KCNC2: variants seen among roughly 807,000 people sequenced by gnomAD.
The protein encoded by KCNC2 is potassium voltage-gated channel subfamily C member 2.
Under a neutral mutation model 44.5 loss-of-function variants are expected in KCNC2, and 21 were observed. The observed-to-expected ratio is 0.47, with a 90% CI of 0.33 to 0.68. The LOEUF is 0.68. Ranked by LOEUF, KCNC2 falls within the 30% of genes least tolerant of loss-of-function variation. KCNC2 has a pLI of 0.01. For synonymous variants in KCNC2, 391 were observed against 339.1 expected (o/e 1.15, Z -1.68); for missense variants, 589 against 826.2 (o/e 0.71, Z 3.52).
At chr12:75,064,396 T>C (rs1442926217) in intron 2 of KCNC2, among the ~76,000 whole-genome samples, 1 of 152,048 alleles carries the variant, frequency 6.6e-6, no homozygotes, top group Admixed American at 6.6e-5. Flanking sequence ...AATGTGATTG[T>C]TTTAATACAG....
Position 75,042,064 on chromosome 12 carries a change from A to G in KCNC2, c.*1041T>C. 2.5e-6 allele frequency: 3 copies of G among 1,180,534 alleles called. No homozygotes were observed. The highest frequency in any genetic ancestry group is 3.1e-6 in the Non-Finnish European group (3 of 956,222). The allele number at this position is 1,180,534 out of a possible 1,614,324, so 73.1% of individuals were successfully genotyped here. On this transcript the variant is annotated 3_prime_UTR_variant, in exon 5 of 5. Transcript: ENST00000549446. ...TCAGGAATTTAAGGCTAGTCAAAAAAGCCTTCTGTGAACACCAGTGACATT... is the reference window on the plus strand; with the variant it reads ...TCAGGAATTTAAGGCTAGTCAAAAAGGCCTTCTGTGAACACCAGTGACATT...
chr12:75,048,067 A>G, intron 4 of KCNC2, 86 bp downstream of exon 4: 2 of 1,203,038 alleles, frequency 1.7e-6, no homozygotes, highest in Non-Finnish European at 2.4e-6. Context: ...CTAGAAAATG[A>G]TGAATGAGCA....
chr12:75,134,496 T>G (rs1246461337), intron 2 of KCNC2, among the ~76,000 whole-genome samples: 1 of 151,874 alleles, frequency 6.6e-6, no homozygotes, highest in Non-Finnish European at 1.5e-5. Context: ...AGCAGAGATA[T>G]CTTTGTGATA....
intron 2 of KCNC2, among the ~76,000 whole-genome samples, chr12:75,185,715 A>T (rs910170680): frequency 2.0e-5 from 3 of 152,094 alleles, no homozygotes; most frequent in African/African-American, 7.2e-5. Flanking sequence ...AAATAAATGT[A>T]CTATCATAAT....
At chr12:75,070,625 TA>T (rs1166658087) in intron 2 of KCNC2, among the ~76,000 whole-genome samples, 1 of 151,936 alleles carries the variant, frequency 6.6e-6, no homozygotes, top group Non-Finnish European at 1.5e-5. Context: ...AACAGAACTT[TA>T]AAAAAATATA....
chr12:75,047,509 A>C (rs1880662845), intron 4 of KCNC2, among the ~76,000 whole-genome samples: 1 of 152,104 alleles, frequency 6.6e-6, no homozygotes, highest in South Asian at 2.1e-4. Context: ...CTGTTGAAAA[A>C]TAGTAATAAA....
At chr12:75,090,875 A>G (rs2137127972) in intron 2 of KCNC2, among the ~76,000 whole-genome samples, 1 of 151,808 alleles carries the variant, frequency 6.6e-6, no homozygotes, top group South Asian at 2.1e-4. Flanking sequence ...AAATTAATAA[A>G]GACCCTTATG....
intron 2 of KCNC2, among the ~76,000 whole-genome samples, chr12:75,172,187 A>G (rs144551642): frequency 1.3e-5 from 2 of 151,944 alleles, no homozygotes; most frequent in Admixed American, 6.6e-5. Flanking sequence ...ACATTAATGG[A>G]GTTGGAAGCC....
At chr12:75,156,615 T>C (rs1359634271) in intron 2 of KCNC2, among the ~76,000 whole-genome samples, 1 of 151,868 alleles carries the variant, frequency 6.6e-6, no homozygotes, top group East Asian at 1.9e-4. Context: ...GGTGTCCTTA[T>C]TTTTAAATGA....
intron 2 of KCNC2, among the ~76,000 whole-genome samples, chr12:75,154,629 C>T (rs1052967697): frequency 2.0e-5 from 3 of 151,970 alleles, no homozygotes; most frequent in African/African-American, 4.8e-5. Context: ...TACATAGATG[C>T]CATCATATTT....
In KCNC2 at chr12:75,041,610, C is replaced by A. The variant is rs1879912766; in HGVS notation, c.*1495G>T. ...TATTGCTGTTGAATTCATAGGAATGCATAAATAGACTTTCTTCCACTCAGA... is the reference window on the plus strand; with the variant it reads ...TATTGCTGTTGAATTCATAGGAATGAATAAATAGACTTTCTTCCACTCAGA... On this transcript the variant is annotated 3_prime_UTR_variant, in exon 5 of 5. Transcript: ENST00000549446. 2.9e-6 allele frequency: 3 copies of A among 1,027,064 alleles called. No homozygotes were observed. In the East Asian group the frequency reaches 2.5e-4, roughly 86 times the overall value. 63.6% of individuals were successfully genotyped at this position (1,027,064 alleles called of 1,614,324 possible). A position where few individuals can be genotyped will look rare whatever the true frequency, so the allele number is the denominator to read the frequency against.
chr12:75,194,189 C>T (rs1263188262), intron 2 of KCNC2, among the ~76,000 whole-genome samples: 1 of 152,004 alleles, frequency 6.6e-6, no homozygotes, highest in Non-Finnish European at 1.5e-5. Context: ...GCTAATTTAA[C>T]AATTAGTTAA....
At chr12:75,089,259 C>T (rs538857781) in intron 2 of KCNC2, among the ~76,000 whole-genome samples, 34 of 151,732 alleles carry the variant, frequency 2.2e-4, no homozygotes, top group African/African-American at 7.7e-4. Context: ...TACTGTAATG[C>T]GCTAAAGTAA....
chr12:75,050,470 T>C lies in KCNC2; in HGVS notation c.1535A>G (p.Glu512Gly), dbSNP rs762174667. Residue 512 changes from glutamate (E) to glycine (G), a missense_variant, in exon 3 of 5, where the codon GAA (glutamate) becomes GGA (glycine). Glu to Gly is a moderately conservative substitution (Grantham distance 98). Transcript: ENST00000549446. ...QASSPTFCKTELNMACNSTQS... is the reference protein window; with the variant it reads ...QASSPTFCKTGLNMACNSTQS... ...TGTACTATTGCAGGCCATATTTAAT[T>C]CTGTCTTGCAAAAAGTAGGTGAGCT... is the stretch of plus-strand genomic sequence containing the variant. The C allele has an allele frequency of 6.2e-7, 1 of 1,613,696 alleles. No individual in the cohort carries two copies. Among genetic ancestry groups the C allele is most frequent in the Non-Finnish European group, 8.5e-7 (1 of 1,179,778 alleles).
chr12:75,173,156 C>A (rs114984297), intron 2 of KCNC2, among the ~76,000 whole-genome samples: 3,255 of 151,942 alleles, frequency 0.021, 101 homozygotes, highest in African/African-American at 0.074. Flanking sequence ...TCACAATTTA[C>A]GTCTTCTCCC....
chr12:75,204,077 A>G lies in KCNC2; in HGVS notation c.687+3220T>C, dbSNP rs569780106. On this transcript the variant is annotated intron_variant, in intron 2 of 4. Transcript: ENST00000549446. Reference sequence around the variant, plus strand: ...TTGTAAATATCACTCACTAGCATCAACAAAATAAACTCTCATTTTTTTCCT... The same window carrying G: ...TTGTAAATATCACTCACTAGCATCAGCAAAATAAACTCTCATTTTTTTCCT... Among the ~76,000 whole-genome samples the G allele has an allele frequency of 1.3e-4, 20 of 152,088 alleles. No homozygotes were observed. In the East Asian group the frequency reaches 3.3e-3, roughly 25 times the overall value.
At chr12:75,066,133 T>C (rs976909682) in intron 2 of KCNC2, among the ~76,000 whole-genome samples, 1 of 152,176 alleles carries the variant, frequency 6.6e-6, no homozygotes, top group African/African-American at 2.4e-5. Context: ...GTCTTCTTTA[T>C]CATTTTCTGA....
At chr12:75,151,257 G>A (rs1250019533) in intron 2 of KCNC2, among the ~76,000 whole-genome samples, 1 of 151,898 alleles carries the variant, frequency 6.6e-6, no homozygotes, top group South Asian at 2.1e-4. Context: ...TTCTGATTGT[G>A]GGTGAAGAGA....
Position 75,057,240 on chromosome 12 carries a change from T to A in KCNC2, c.688-5923A>T, listed in dbSNP as rs566985882. Among the ~76,000 whole-genome samples, 3 of 152,116 alleles carry A rather than the reference T, an allele frequency of 2.0e-5. No individual in the cohort carries two copies. In the South Asian group the frequency reaches 6.2e-4, roughly 32 times the overall value. ...ACAGCACCATAAACTCAGCTGATGG[T>A]CTTAATTTTGTGTATATTCATGTCT... On this transcript the variant is annotated intron_variant, in intron 2 of 4. Coordinates refer to ENST00000549446, the MANE Select transcript of KCNC2 (RefSeq NM_139137.4).
Sources: allele counts gnomAD v4.1 joint callset (sites outside exome capture counted in the v4.1 genomes callset), GRCh38; gene constraint gnomAD v4.1.1; transcripts MANE v1.5; gene names NCBI Gene and HGNC (gene_info 2026-07-23, HGNC 2026-07-21).